Variants in ADAMTS12 observed in about 807,000 individuals in gnomAD.
The protein encoded by ADAMTS12 is A disintegrin and metalloproteinase with thrombospondin motifs 12.
Under a neutral mutation model 167.8 loss-of-function variants are expected in ADAMTS12, and 118 were observed. The observed-to-expected ratio is 0.70, with a 90% CI of 0.61 to 0.82. ADAMTS12 has a LOEUF of 0.82. Ranked by LOEUF, ADAMTS12 falls within the 40% of genes least tolerant of loss-of-function variation. The probability of loss-of-function intolerance (pLI) is 0.00; values close to 1 mark genes in which losing one functional copy is unlikely to be tolerated. For missense variants in ADAMTS12, 1,916 were observed against 1,998.8 expected, an observed-to-expected ratio of 0.96 and a Z score of 0.79; for synonymous variants, 704 against 716.9, an observed-to-expected ratio of 0.98 and a Z score of 0.29.
At chr5:33,660,279 T>C (rs1206959017) in intron 6 of ADAMTS12, among the ~76,000 whole-genome samples, 2 of 152,126 alleles carry the variant, frequency 1.3e-5, no homozygotes, top group Admixed American at 6.5e-5. Flanking sequence ...GCTGTTGGGG[T>C]CAAACTACCT....
In ADAMTS12 at chr5:33,595,975, A is replaced by C. The variant is rs372031030; in HGVS notation, c.2613T>G (p.Asn871Lys). Residue 871 changes from asparagine to lysine, a missense_variant, in exon 17 of 24, where the codon AAT becomes AAG. Coordinates refer to ENST00000504830, the MANE Select transcript of ADAMTS12 (RefSeq NM_030955.4). The stretch of plus-strand genomic sequence containing the variant: ...TTTCATGGCACTTCTTCTGTCTCCC[A>C]TTGGGCTGTGTTTCTGGGTCACAGA... ...ATFCDPETQP[N>K]GRQKKCHEKA... is the part of the protein sequence containing the mutation. 6.2e-7 allele frequency: 1 copy of C among 1,614,046 alleles called. No homozygotes were observed. Among genetic ancestry groups the C allele is most frequent in the Non-Finnish European group, 8.5e-7 (1 of 1,179,970 alleles).
intron 2 of ADAMTS12, among the ~76,000 whole-genome samples, chr5:33,784,900 G>A (rs1424096535): frequency 1.3e-5 from 2 of 152,046 alleles, no homozygotes; most frequent in Non-Finnish European, 2.9e-5. Flanking sequence ...AAAGTTGCTG[G>A]ACTTTCAGTA....
rs1417060696 is a variant in ADAMTS12, at chr5:33,588,744, G to C, written c.2720C>G (p.Thr907Ser). Residue 907 changes from threonine (T) to serine (S), a missense_variant, in exon 18 of 24, where the codon ACC becomes AGC. By Grantham distance (58) the Thr-to-Ser change is moderately conservative. Coordinates refer to ENST00000504830, the MANE Select transcript of ADAMTS12 (RefSeq NM_030955.4). ...GACCATGGTCTGGATGCACAGCACG[G>C]TTCGCTTCTTCTCCCCGTGGGGCCC... Reference protein sequence around the residue: ...TCGPHGEKKRTVLCIQTMVSD... With the variant: ...TCGPHGEKKRSVLCIQTMVSD... The C allele has an allele frequency of 1.9e-6, 3 of 1,614,000 alleles. No individual in the cohort carries two copies. The African/African-American group carries it at 4.0e-5, about 22-fold the overall frequency.
intron 16 of ADAMTS12, among the ~76,000 whole-genome samples, chr5:33,610,500 C>T (rs2099530860): frequency 6.6e-6 from 1 of 152,128 alleles, no homozygotes; most frequent in Non-Finnish European, 1.5e-5. Context: ...GCTGTGTTTC[C>T]CTTTAACATT....
At chr5:33,802,897 T>G (rs1747064419) in intron 2 of ADAMTS12, among the ~76,000 whole-genome samples, 1 of 152,184 alleles carries the variant, frequency 6.6e-6, no homozygotes, top group Non-Finnish European at 1.5e-5. Flanking sequence ...GTTTATTCCT[T>G]CATGTAAGAA....
chr5:33,794,377 C>T (rs951749305), intron 2 of ADAMTS12, among the ~76,000 whole-genome samples: 5 of 152,160 alleles, frequency 3.3e-5, no homozygotes, highest in East Asian at 1.9e-4. Context: ...GCTAAAATTC[C>T]GGTCCTCATT....
At chr5:33,563,515 T>C (rs1745850572) in intron 19 of ADAMTS12, among the ~76,000 whole-genome samples, 1 of 152,186 alleles carries the variant, frequency 6.6e-6, no homozygotes, top group Non-Finnish European at 1.5e-5. Context: ...GGCGACTGAC[T>C]AACCAAGTCA....
At chr5:33,627,140 G>A (rs544863169) in intron 13 of ADAMTS12, among the ~76,000 whole-genome samples, 7 of 149,444 alleles carry the variant, frequency 4.7e-5, no homozygotes, top group Admixed American at 6.6e-5. Context: ...TGTGGTGGTG[G>A]TGGTGGTGGT....
At chr5:33,701,282 C>T (rs760814293) in intron 3 of ADAMTS12, among the ~76,000 whole-genome samples, 14 of 152,200 alleles carry the variant, frequency 9.2e-5, no homozygotes, top group Non-Finnish European at 1.6e-4. Flanking sequence ...TTTACATCTA[C>T]TTGTGGTTTC....
At chr5:33,552,694 A>C (rs1382237412) in intron 20 of ADAMTS12, among the ~76,000 whole-genome samples, 3 of 152,158 alleles carry the variant, frequency 2.0e-5, no homozygotes, top group Non-Finnish European at 4.4e-5. Context: ...GTGTGGTCTT[A>C]TTTCTGGGTT....
intron 2 of ADAMTS12, among the ~76,000 whole-genome samples, chr5:33,793,821 A>C (rs1311730048): frequency 6.6e-6 from 1 of 151,994 alleles, no homozygotes; most frequent in Non-Finnish European, 1.5e-5. Flanking sequence ...TGGGCTTGAA[A>C]ATTTGCCCAA....
intron 2 of ADAMTS12, among the ~76,000 whole-genome samples, chr5:33,807,688 T>C (rs1169785723): frequency 6.6e-6 from 1 of 152,202 alleles, no homozygotes; most frequent in East Asian, 1.9e-4. Flanking sequence ...CACCCAGAAA[T>C]ATGGGACCAC....
At chr5:33,880,964 A>G (rs570125893) in intron 2 of ADAMTS12, 155 bp downstream of exon 2, 1 of 1,083,628 alleles carries the variant, frequency 9.2e-7, no homozygotes, top group South Asian at 1.7e-5. Context: ...TTTATTAAAT[A>G]CTTTCTCGCC....
At chr5:33,710,937 G>C (rs551949880) in intron 3 of ADAMTS12, among the ~76,000 whole-genome samples, 2 of 152,174 alleles carry the variant, frequency 1.3e-5, no homozygotes, top group African/African-American at 4.8e-5. Context: ...TGGGGCAAGT[G>C]GTCTAAGAGA....
At chr5:33,854,129 A>T (rs1051252776) in intron 2 of ADAMTS12, among the ~76,000 whole-genome samples, 19 of 152,240 alleles carry the variant, frequency 1.2e-4, no homozygotes, top group African/African-American at 4.3e-4. Context: ...CCAATGACCA[A>T]GTAAAACAAT....
chr5:33,536,510 T>A (rs891521797), intron 22 of ADAMTS12, among the ~76,000 whole-genome samples: 1 of 152,236 alleles, frequency 6.6e-6, no homozygotes, highest in African/African-American at 2.4e-5. Context: ...TAGTGTTTTA[T>A]GCCTTCTGCC....
At chr5:33,552,157 G>A (rs573792277) in intron 20 of ADAMTS12, among the ~76,000 whole-genome samples, 1 of 152,270 alleles carries the variant, frequency 6.6e-6, no homozygotes, top group East Asian at 1.9e-4. Context: ...CACTGGCAGA[G>A]GTAAAATGAA....
intron 3 of ADAMTS12, among the ~76,000 whole-genome samples, chr5:33,719,356 A>C (rs1416014700): frequency 6.6e-6 from 1 of 152,184 alleles, no homozygotes; most frequent in Non-Finnish European, 1.5e-5. Flanking sequence ...AAGGAATAAG[A>C]AGAGCAGGCA....
chr5:33,567,785 C>G (rs1202646025), intron 19 of ADAMTS12, among the ~76,000 whole-genome samples: 1 of 152,100 alleles, frequency 6.6e-6, no homozygotes, highest in Non-Finnish European at 1.5e-5. Flanking sequence ...TCTGTATACC[C>G]AAGGTCACCA....
Sources: gnomAD v4.1 joint callset for allele counts (sites outside exome capture counted in the v4.1 genomes callset) on GRCh38, gnomAD v4.1.1 for gene constraint, MANE v1.5 for transcripts, NCBI Gene and HGNC (gene_info 2026-07-23, HGNC 2026-07-21) for gene names.